Variants in TCF7L2 observed in about 807,000 individuals in gnomAD.
The protein encoded by TCF7L2 is transcription factor 7-like 2.
A neutral mutation model predicts 77.9 loss-of-function variants in TCF7L2; 23 were observed. The ratio of observed to expected loss-of-function variants is 0.30; its 90% CI spans 0.21 to 0.42. The LOEUF (loss-of-function observed/expected upper bound fraction) is 0.42. Ranked by LOEUF, TCF7L2 falls within the 10% of genes least tolerant of loss-of-function variation. The pLI is 1.00. For synonymous variants in TCF7L2, 413 were observed against 340.2 expected (o/e 1.21, Z -2.36); for missense variants, 654 against 793.1 (o/e 0.82, Z 2.11).
intron 4 of TCF7L2, among the ~76,000 whole-genome samples, chr10:113,027,352 G>C (rs1034746272): frequency 3.3e-5 from 5 of 152,088 alleles, no homozygotes; most frequent in African/African-American, 1.2e-4. Flanking sequence ...TTCTTTCAGC[G>C]TTTCTCTCCT....
chr10:113,036,967 G>A (rs2051394369), intron 4 of TCF7L2, among the ~76,000 whole-genome samples: 1 of 151,988 alleles, frequency 6.6e-6, no homozygotes, highest in African/African-American at 2.4e-5. Flanking sequence ...TTGTAAATCT[G>A]AGATGCCCCC....
intron 5 of TCF7L2, among the ~76,000 whole-genome samples, chr10:113,119,997 T>C (rs2064510383): frequency 6.6e-6 from 1 of 152,214 alleles, no homozygotes; most frequent in Admixed American, 6.5e-5. Context: ...TCTTCTTCCT[T>C]TCTCGCCATT....
chr10:113,002,573 A>T (rs985781835), intron 4 of TCF7L2, among the ~76,000 whole-genome samples: 3 of 152,040 alleles, frequency 2.0e-5, no homozygotes, highest in African/African-American at 7.2e-5. Flanking sequence ...TCTACATTTG[A>T]TAAGGTAACT....
At chr10:113,040,501 CA>C (rs1281008992) in intron 5 of TCF7L2, among the ~76,000 whole-genome samples, 1 of 152,160 alleles carries the variant, frequency 6.6e-6, no homozygotes, top group Non-Finnish European at 1.5e-5. Context: ...TTAGAAAACT[CA>C]AAAGGGGGTC....
chr10:113,064,923 T>C (rs1564844313), intron 5 of TCF7L2, among the ~76,000 whole-genome samples: 1 of 152,236 alleles, frequency 6.6e-6, no homozygotes, highest in Non-Finnish European at 1.5e-5. Context: ...CCTAAACTTG[T>C]CAATTGCCAT....
In TCF7L2 at chr10:112,966,209, T is replaced by TATATATATATATA. The variant is rs1305413204; in HGVS notation, c.450+1587_450+1588insATATATATATAAT. On this transcript the variant is annotated intron_variant, in intron 4 of 13. Coordinates refer to ENST00000627217, the MANE Select transcript of TCF7L2 (RefSeq NM_001146274.2). ...TTATATATATATATATATATATATA[T>TATATATATATATA]ATTTTCTTTTCTTGATTACTTCTGC... Among the ~76,000 whole-genome samples the TATATATATATATA allele has an allele frequency of 9.1e-5, 12 of 131,484 alleles. 1 individual carries two copies. The highest frequency in any genetic ancestry group is 4.7e-4 in the South Asian group (2 of 4,280). The allele number at this position is 131,484 out of a possible 152,430, so 86.3% of individuals were successfully genotyped here.
intron 5 of TCF7L2, among the ~76,000 whole-genome samples, chr10:113,060,879 C>G (rs969214914): frequency 3.3e-5 from 5 of 152,082 alleles, no homozygotes; most frequent in Non-Finnish European, 5.9e-5. Flanking sequence ...TGCTGTGTGA[C>G]GATGACCTAG....
chr10:113,013,959 T>G (rs2046895922), intron 4 of TCF7L2, among the ~76,000 whole-genome samples: 2 of 152,206 alleles, frequency 1.3e-5, no homozygotes, highest in Admixed American at 1.3e-4. Flanking sequence ...GGAATTTCTT[T>G]AGAAGGAACT....
At chr10:112,998,783 C>T (rs904146515) in intron 4 of TCF7L2, among the ~76,000 whole-genome samples, 3 of 152,178 alleles carry the variant, frequency 2.0e-5, no homozygotes, top group African/African-American at 7.2e-5. Flanking sequence ...AACATTTTAG[C>T]TTTTTGTGTT....
In TCF7L2 at chr10:113,075,480, A is replaced by G. The variant is rs192425860; in HGVS notation, c.552+35354A>G. Among the ~76,000 whole-genome samples the G allele has an allele frequency of 9.6e-4, 146 of 152,300 alleles. 3 individuals are homozygous for G. The East Asian group carries it at 0.027, about 28-fold the overall frequency. On this transcript the variant is annotated intron_variant, in intron 5 of 13. Coordinates refer to ENST00000627217, the MANE Select transcript of TCF7L2 (RefSeq NM_001146274.2). ...GTGTCCAAAAAAAAAAGAAAAAAGA[A>G]AAAAAGAGTATCTTTAAATGAATGG...
At chr10:113,134,230 C>T (rs549054848) in intron 5 of TCF7L2, among the ~76,000 whole-genome samples, 3 of 151,726 alleles carry the variant, frequency 2.0e-5, no homozygotes, top group South Asian at 4.2e-4. Context: ...GGGAGAGGGG[C>T]ACGGGCCAGG....
intron 4 of TCF7L2, among the ~76,000 whole-genome samples, chr10:113,031,474 T>G (rs1482078816): frequency 6.7e-6 from 1 of 148,192 alleles, no homozygotes; most frequent in East Asian, 1.9e-4. Flanking sequence ...TTGGATACTG[T>G]GCAACCTTTT....
intron 4 of TCF7L2, among the ~76,000 whole-genome samples, chr10:113,028,409 C>A (rs1427368572): frequency 6.6e-6 from 1 of 151,084 alleles, no homozygotes; most frequent in African/African-American, 2.4e-5. Flanking sequence ...TAACCAGAGG[C>A]ACTGCTGACC....
At chr10:113,069,164 G>T (rs2057635452) in intron 5 of TCF7L2, among the ~76,000 whole-genome samples, 1 of 152,104 alleles carries the variant, frequency 6.6e-6, no homozygotes, top group Non-Finnish European at 1.5e-5. Context: ...GAAGGGGATG[G>T]TGGTTGCGGT....
At chr10:113,040,500 T>C (rs554505634) in intron 5 of TCF7L2, among the ~76,000 whole-genome samples, 9 of 152,296 alleles carry the variant, frequency 5.9e-5, no homozygotes, top group Admixed American at 5.2e-4. Context: ...ATTAGAAAAC[T>C]CAAAAGGGGG....
intron 5 of TCF7L2, among the ~76,000 whole-genome samples, chr10:113,096,980 G>A (rs760495706): frequency 9.2e-5 from 14 of 152,098 alleles, no homozygotes; most frequent in Non-Finnish European, 1.5e-4. Context: ...CCGGTCACTG[G>A]GTCAGACAAG....
intron 5 of TCF7L2, among the ~76,000 whole-genome samples, chr10:113,088,255 C>T (rs2060033677): frequency 6.6e-6 from 1 of 152,024 alleles, no homozygotes; most frequent in Non-Finnish European, 1.5e-5. Flanking sequence ...GTTTATAGAG[C>T]CATAGACAGG....
At chr10:113,084,570 A>C (rs1479644044) in intron 5 of TCF7L2, among the ~76,000 whole-genome samples, 1 of 152,110 alleles carries the variant, frequency 6.6e-6, no homozygotes, top group East Asian at 1.9e-4. Flanking sequence ...GTATAACCAA[A>C]TATCCGGGCA....
Position 113,165,453 on chromosome 10 carries a change from G to A in TCF7L2, c.1392-102G>A, listed in dbSNP as rs142153656. ...ACCACTGGGCGTGCCACCTCTGTGG[G>A]ACATCCCTTAGGTGACCTCAGCTTG... On this transcript the variant is annotated intron_variant, in intron 13 of 13. Transcript: ENST00000627217. 2.9e-4 allele frequency: 380 copies of A among 1,312,472 alleles called. 2 individuals carry two copies. In the African/African-American group the frequency reaches 4.4e-3, roughly 15 times the overall value. 81.3% of individuals were successfully genotyped at this position (1,312,472 alleles called of 1,614,324 possible).
Sources: allele counts gnomAD v4.1 joint callset (sites outside exome capture counted in the v4.1 genomes callset), GRCh38; gene constraint gnomAD v4.1.1; transcripts MANE v1.5; gene names NCBI Gene and HGNC (gene_info 2026-07-23, HGNC 2026-07-21).